PPP2R1A: variants seen among roughly 807,000 people sequenced by gnomAD.
PPP2R1A encodes the protein serine/threonine-protein phosphatase 2A 65 kDa regulatory subunit A alpha isoform.
In PPP2R1A, 15 loss-of-function variants were observed where a neutral mutation model predicts 67.1. The ratio of observed to expected loss-of-function variants is 0.22; its 90% CI spans 0.15 to 0.34. PPP2R1A has a LOEUF of 0.34. Ranked by LOEUF, PPP2R1A falls within the 10% of genes least tolerant of loss-of-function variation. The pLI is 1.00. For synonymous variants in PPP2R1A, 337 were observed against 325.0 expected, an observed-to-expected ratio of 1.04 and a Z score of -0.40; for missense variants, 369 against 775.0, an observed-to-expected ratio of 0.48 and a Z score of 6.22.
At chr19:52,201,092 CA>C (rs2089543621) in intron 1 of PPP2R1A, 1 of 151,058 alleles carries the variant, frequency 6.6e-6, no homozygotes, top group Non-Finnish European at 1.5e-5. Context: ...ACTACGTCTG[CA>C]AAGACCGTTT....
chr19:52,225,668 A>G (rs1016429271), intron 13 of PPP2R1A, 49 bp from the exon 14 acceptor site: 3 of 1,564,564 alleles, frequency 1.9e-6, no homozygotes, highest in Admixed American at 3.3e-5. Context: ...CTGTTGCCCC[A>G]GTCCATCCTG....
chr19:52,215,687 A>C, intron 6 of PPP2R1A, 92 bp from the exon 7 acceptor site: 2 of 1,036,460 alleles, frequency 1.9e-6, no homozygotes, highest in Non-Finnish European at 3.0e-6. Flanking sequence ...TCTGTCCCCT[A>C]ATTCTGGTGC....
intron 11 of PPP2R1A, 77 bp from the exon 12 acceptor site, chr19:52,220,902 T>A: frequency 6.5e-7 from 1 of 1,529,286 alleles, no homozygotes; most frequent in Non-Finnish European, 9.0e-7. Context: ...TAAGCCATGG[T>A]GAGTGTGACC....
In PPP2R1A at chr19:52,212,503, G is replaced by A. The variant is rs1429603752; in HGVS notation, c.504-183G>A. ...CACTATTTTCATTTAAACCTCATGCGGACCTGTGGGGTAGGTACTGTTACT... is the reference window on the plus strand; with the variant it reads ...CACTATTTTCATTTAAACCTCATGCAGACCTGTGGGGTAGGTACTGTTACT... On this transcript the variant is annotated intron_variant, in intron 4 of 14. Coordinates refer to ENST00000322088, the MANE Select transcript of PPP2R1A (RefSeq NM_014225.6). This position sits in a 1 kb window ranked among gnomAD's most constrained non-coding sequence, Gnocchi z 4.1. 5 of 640,332 alleles carry A rather than the reference G, an allele frequency of 7.8e-6. No homozygotes were observed. The highest frequency in any genetic ancestry group is 4.2e-4 in the Middle Eastern group (1 of 2,358). The allele number at this position is 640,332 out of a possible 1,614,324, so 39.7% of individuals were successfully genotyped here.
intron 1 of PPP2R1A, among the ~76,000 whole-genome samples, chr19:52,200,830 C>T (rs987137470): frequency 1.3e-5 from 2 of 152,252 alleles, no homozygotes; most frequent in Non-Finnish European, 2.9e-5. Context: ...GTCTTCCTTT[C>T]TGTCTCTTAG....
chr19:52,223,753 T>TG (rs1174496391), intron 13 of PPP2R1A, among the ~76,000 whole-genome samples: 3 of 152,176 alleles, frequency 2.0e-5, no homozygotes, highest in Non-Finnish European at 2.9e-5. Context: ...TCTCATCCAT[T>TG]GCACGTGGGG....
At chr19:52,190,795 T>A (rs982478793) in intron 1 of PPP2R1A, among the ~76,000 whole-genome samples, 2 of 152,276 alleles carry the variant, frequency 1.3e-5, no homozygotes, top group South Asian at 4.2e-4. Flanking sequence ...CGCCTCCCCA[T>A]CTCCCCGGAT....
In PPP2R1A at chr19:52,222,253, A is replaced by G. The variant is rs1398331744; in HGVS notation, c.1661+12A>G. 2 of 1,613,004 alleles carry G rather than the reference A, an allele frequency of 1.2e-6. No individual in the cohort carries two copies. Among genetic ancestry groups the G allele is most frequent in the Non-Finnish European group, 1.7e-6 (2 of 1,179,386 alleles). The stretch of plus-strand genomic sequence containing the variant: ...ATCCTGGACAACAGGTGAGGTCTGG[A>G]TACTCCCCCACACACTGGCAGGGGC... On this transcript the variant is annotated intron_variant, in intron 13 of 14. Coordinates refer to ENST00000322088, the MANE Select transcript of PPP2R1A (RefSeq NM_014225.6).
Position 52,219,544 on chromosome 19 carries a change from T to C in PPP2R1A, c.1129-147T>C. 1 of 734,520 alleles carries C rather than the reference T, an allele frequency of 1.4e-6. No individual in the cohort carries two copies. Among genetic ancestry groups the C allele is most frequent in the East Asian group, 2.8e-5 (1 of 35,264 alleles). The allele number at this position is 734,520 out of a possible 1,614,324, so 45.5% of individuals were successfully genotyped here. ...CTGCTTGCTTTTTGTGTGCCGTTAA[T>C]GTGTTCCCAGAACGGGGAGCTGGGC... is the stretch of plus-strand genomic sequence containing the variant. On this transcript the variant is annotated intron_variant, in intron 9 of 14. Coordinates refer to ENST00000322088, the MANE Select transcript of PPP2R1A (RefSeq NM_014225.6). The surrounding 1 kb of genome is among the most constrained non-coding windows in gnomAD (Gnocchi z 4.0).
At chr19:52,220,138 C>A in intron 10 of PPP2R1A, 51 bp from the exon 11 acceptor site, 1 of 1,580,488 alleles carries the variant, frequency 6.3e-7, no homozygotes, top group South Asian at 1.1e-5. Context: ...GCAGCTCCCC[C>A]TGTTTGCTCT....
In PPP2R1A at chr19:52,229,229, G is replaced by A. The variant is rs945630769; in HGVS notation, c.*3248G>A. On this transcript the variant is annotated 3_prime_UTR_variant, in exon 15 of 15. Coordinates refer to ENST00000322088, the MANE Select transcript of PPP2R1A (RefSeq NM_014225.6). ...AGGCCGAGGTGGGCGGATCACCTGA[G>A]GCCGGGAGTTCGAGACCATCCTGAC... The A allele has an allele frequency of 1.3e-5, 2 of 152,344 alleles. No homozygotes were observed. The highest frequency in any genetic ancestry group is 4.8e-5 in the African/African-American group (2 of 41,398). 9.4% of individuals were successfully genotyped at this position (152,344 alleles called of 1,614,324 possible).
intron 1 of PPP2R1A, among the ~76,000 whole-genome samples, chr19:52,190,785 C>T (rs1600154498): frequency 6.6e-6 from 1 of 152,124 alleles, no homozygotes; most frequent in South Asian, 2.1e-4. Context: ...TGTAGAAACC[C>T]GCCTCCCCAT....
chr19:52,215,989 T>C lies in PPP2R1A; in HGVS notation c.923-15T>C. The C allele has an allele frequency of 6.2e-7, 1 of 1,613,410 alleles. No homozygotes were observed. Among genetic ancestry groups the C allele is most frequent in the Non-Finnish European group, 8.5e-7 (1 of 1,179,370 alleles). ...CAGGTCTCACTTCCCTTTGCCTCCCTCTCCCTGCCCACAGAGTTCTGTGAA... is the reference window on the plus strand; with the variant it reads ...CAGGTCTCACTTCCCTTTGCCTCCCCCTCCCTGCCCACAGAGTTCTGTGAA... On this transcript the variant is annotated splice_polypyrimidine_tract_variant and intron_variant, in intron 7 of 14. Coordinates refer to ENST00000322088, the MANE Select transcript of PPP2R1A (RefSeq NM_014225.6).
At chr19:52,224,068 C>CGG (rs1234457872) in intron 13 of PPP2R1A, among the ~76,000 whole-genome samples, 2 of 152,204 alleles carry the variant, frequency 1.3e-5, no homozygotes, top group Non-Finnish European at 2.9e-5. Context: ...AGGTGACTCT[C>CGG]ACAGATACCA....
In PPP2R1A at chr19:52,193,809, G is replaced by T. The variant is rs866484314; in HGVS notation, c.78+3635G>T. On this transcript the variant is annotated intron_variant, in intron 1 of 14. Coordinates refer to ENST00000322088, the MANE Select transcript of PPP2R1A (RefSeq NM_014225.6). Reference sequence around the variant, plus strand: ...GGTCTCAAACTCCCTGCCCGCCTCTGCCTCCCAAAGTGCTGGGATTACAGG... The same window carrying T: ...GGTCTCAAACTCCCTGCCCGCCTCTTCCTCCCAAAGTGCTGGGATTACAGG... 3.5e-4 allele frequency among the ~76,000 whole-genome samples: 53 copies of T among 152,040 alleles called. 1 individual carries two copies. The Middle Eastern group carries it at 0.01, about 29-fold the overall frequency.
At chr19:52,225,916 G>C in intron 14 of PPP2R1A, 49 bp from the exon 15 acceptor site, 1 of 1,614,178 alleles carries the variant, frequency 6.2e-7, no homozygotes, top group Middle Eastern at 1.6e-4. Context: ...GGCATTGTGG[G>C]CAGAGAGAGG....
chr19:52,225,932 G>A (rs754339286), intron 14 of PPP2R1A, 33 bp from the exon 15 acceptor site: 1 of 1,614,226 alleles, frequency 6.2e-7, no homozygotes, highest in South Asian at 1.1e-5. Context: ...AGAGGGCTCT[G>A]GTTCTGATTC....
chr19:52,209,693 C>T (rs2089645639), intron 3 of PPP2R1A, among the ~76,000 whole-genome samples: 1 of 152,104 alleles, frequency 6.6e-6, no homozygotes, highest in African/African-American at 2.4e-5. Context: ...TCCCCCAGCC[C>T]CTGGCAGCCA....
rs574248924 is a variant in PPP2R1A, at chr19:52,213,118, A to G, written c.807+8A>G. The G allele has an allele frequency of 1.3e-6, 2 of 1,550,672 alleles. No individual in the cohort carries two copies. Among genetic ancestry groups the G allele is most frequent in the African/African-American group, 2.7e-5 (2 of 73,332 alleles). ...GCTGACAAGTTCACAGAGGTAGATGAGCGACCGTTGACATTGTCCCACTGG... is the reference window on the plus strand; with the variant it reads ...GCTGACAAGTTCACAGAGGTAGATGGGCGACCGTTGACATTGTCCCACTGG... On this transcript the variant is annotated splice_region_variant and intron_variant, in intron 6 of 14. Transcript: ENST00000322088. The surrounding 1 kb of genome is among the most constrained non-coding windows in gnomAD (Gnocchi z 4.2).
Sources: gnomAD v4.1 joint callset for allele counts (sites outside exome capture counted in the v4.1 genomes callset) on GRCh38, gnomAD v4.1.1 for gene constraint, Gnocchi (gnomAD v3.1) non-coding constraint, MANE v1.5 for transcripts, NCBI Gene and HGNC (gene_info 2026-07-23, HGNC 2026-07-21) for gene names.